Variants in MYO3B observed in about 807,000 individuals in gnomAD.
The protein encoded by MYO3B is myosin-IIIb.
Under a neutral mutation model 174.6 loss-of-function variants are expected in MYO3B, and 156 were observed. That is an observed-to-expected ratio of 0.89 (90% confidence interval 0.78 to 1.02). The LOEUF (loss-of-function observed/expected upper bound fraction) is 1.02, where lower values mean the gene tolerates loss of function less well. Ranked by LOEUF, MYO3B falls within the 50% of genes least tolerant of loss-of-function variation. The probability of loss-of-function intolerance (pLI) is 0.00; values close to 1 mark genes in which losing one functional copy is unlikely to be tolerated. For missense variants in MYO3B, 1,632 were observed against 1,639.4 expected (o/e 1.00, Z 0.08); for synonymous variants, 563 against 569.1 (o/e 0.99, Z 0.15).
chr2:170,512,993 G>T (rs75181409), intron 28 of MYO3B, among the ~76,000 whole-genome samples: 2 of 152,002 alleles, frequency 1.3e-5, no homozygotes, highest in African/African-American at 2.4e-5. Flanking sequence ...GTTTGCAAAG[G>T]GCTGAGAACA....
intron 9 of MYO3B, among the ~76,000 whole-genome samples, chr2:170,372,024 T>A (rs1020530561): frequency 6.9e-6 from 1 of 144,930 alleles, no homozygotes; most frequent in Non-Finnish European, 1.5e-5. Context: ...GAGGCTGACA[T>A]GGCAGGATCA....
intron 32 of MYO3B, among the ~76,000 whole-genome samples, chr2:170,610,214 C>T (rs1334030626): frequency 2.0e-5 from 3 of 151,198 alleles, no homozygotes; most frequent in Non-Finnish European, 4.4e-5. Context: ...GTGGCGGGCA[C>T]TTGTTGTCCC....
intron 25 of MYO3B, among the ~76,000 whole-genome samples, chr2:170,486,580 C>T (rs1398780310): frequency 6.6e-6 from 1 of 152,174 alleles, no homozygotes; most frequent in Non-Finnish European, 1.5e-5. Flanking sequence ...GGATTACAGG[C>T]GTGAGCCACC....
intron 25 of MYO3B, among the ~76,000 whole-genome samples, chr2:170,485,066 A>T (rs556587281): frequency 3.9e-5 from 6 of 152,232 alleles, no homozygotes; most frequent in East Asian, 1.9e-4. Flanking sequence ...GGAATATTTT[A>T]AAATGGGAAA....
intron 30 of MYO3B, among the ~76,000 whole-genome samples, chr2:170,541,070 G>C (rs1690074698): frequency 6.6e-6 from 1 of 152,186 alleles, no homozygotes; most frequent in Non-Finnish European, 1.5e-5. Flanking sequence ...CTTGAATGAA[G>C]AGGGAATCAA....
intron 7 of MYO3B, among the ~76,000 whole-genome samples, chr2:170,236,801 G>C (rs574426978): frequency 6.6e-6 from 1 of 152,302 alleles, no homozygotes; most frequent in African/African-American, 2.4e-5. Flanking sequence ...TTCCCAACCA[G>C]GGTGCAGATT....
chr2:170,507,774 A>G (rs1687706623), intron 28 of MYO3B, among the ~76,000 whole-genome samples: 1 of 152,106 alleles, frequency 6.6e-6, no homozygotes, highest in Non-Finnish European at 1.5e-5. Context: ...GGTTTACTTG[A>G]GGAAAACATA....
intron 34 of MYO3B, 148 bp from the exon 35 acceptor site, chr2:170,652,835 G>A: frequency 1.3e-6 from 1 of 762,046 alleles, no homozygotes; most frequent in Non-Finnish European, 2.1e-6. Flanking sequence ...TGTACTGGGA[G>A]ACCCTGAGCT....
intron 32 of MYO3B, among the ~76,000 whole-genome samples, chr2:170,609,305 C>CA (rs1189657548): frequency 6.6e-6 from 1 of 152,212 alleles, no homozygotes; most frequent in African/African-American, 2.4e-5. Flanking sequence ...CACACATATA[C>CA]ATACCACACA....
chr2:170,262,660 G>A (rs2093354110), intron 7 of MYO3B, among the ~76,000 whole-genome samples: 1 of 152,148 alleles, frequency 6.6e-6, no homozygotes, highest in African/African-American at 2.4e-5. Flanking sequence ...TCCACGTTTG[G>A]GTAGATATGC....
chr2:170,367,279 G>T (rs1189809588), intron 8 of MYO3B, among the ~76,000 whole-genome samples: 1 of 152,198 alleles, frequency 6.6e-6, no homozygotes, highest in Non-Finnish European at 1.5e-5. Flanking sequence ...GTGACGGATG[G>T]GTGGGATGAA....
chr2:170,350,598 G>A (rs4667636), intron 8 of MYO3B: 85,036 of 151,956 alleles, frequency 0.56, 24,728 homozygotes, highest in Admixed American at 0.67. Flanking sequence ...GGTAAAAATC[G>A]AGATGTGGAA....
intron 28 of MYO3B, among the ~76,000 whole-genome samples, chr2:170,507,085 C>T (rs1298337702): frequency 6.6e-6 from 1 of 152,210 alleles, no homozygotes; most frequent in Non-Finnish European, 1.5e-5. Context: ...AAGACAAGAT[C>T]CAAACTCTTC....
chr2:170,467,740 A>T (rs1370273605), intron 25 of MYO3B, among the ~76,000 whole-genome samples: 4 of 150,504 alleles, frequency 2.7e-5, no homozygotes, highest in Middle Eastern at 3.5e-3. Flanking sequence ...TTCTCAGGAG[A>T]GGATGAGTCA....
At chr2:170,272,239 G>T (rs1424657) in intron 7 of MYO3B, among the ~76,000 whole-genome samples, 7 of 152,110 alleles carry the variant, frequency 4.6e-5, no homozygotes, top group South Asian at 2.1e-4. Context: ...AACTGGGAGT[G>T]GGGACCAGTG....
chr2:170,510,501 G>T (rs183520156), intron 28 of MYO3B, among the ~76,000 whole-genome samples: 1 of 152,298 alleles, frequency 6.6e-6, no homozygotes, highest in Non-Finnish European at 1.5e-5. Context: ...TTTAAGGGGG[G>T]TGTGTCAGTT....
chr2:170,426,139 CTCTG>C (rs1051562401), intron 22 of MYO3B, among the ~76,000 whole-genome samples: 1 of 147,246 alleles, frequency 6.8e-6, no homozygotes, highest in African/African-American at 2.5e-5. Context: ...TTTCCTTTTG[CTCTG>C]TCTTTTGTTG....
At chr2:170,563,062 A>ACACACACT (rs1173953248) in intron 32 of MYO3B, among the ~76,000 whole-genome samples, 1 of 144,878 alleles carries the variant, frequency 6.9e-6, no homozygotes, top group Non-Finnish European at 1.5e-5. Flanking sequence ...ACACACACAC[A>ACACACACT]CTCTAGACAC....
intron 22 of MYO3B, 92 bp downstream of exon 22, chr2:170,407,936 C>T (rs1574932557): frequency 9.0e-6 from 13 of 1,448,342 alleles, no homozygotes; most frequent in Non-Finnish European, 1.1e-5. Flanking sequence ...GCCAGGGCTG[C>T]ACCGCTAACA....
Sources: allele counts gnomAD v4.1 joint callset (sites outside exome capture counted in the v4.1 genomes callset), GRCh38; gene constraint gnomAD v4.1.1; transcripts MANE v1.5; gene names NCBI Gene and HGNC (gene_info 2026-07-23, HGNC 2026-07-21).